Variants in VMA12 observed in about 807,000 individuals in gnomAD.
VMA12 encodes the protein vacuolar ATPase assembly protein VMA12.
At chr17:28,359,308 G>C in the VMA12 span, 5 of 1,613,818 alleles carry the variant, frequency 3.1e-6, no homozygotes, top group Non-Finnish European at 4.2e-6. Flanking sequence ...TGATTTTTCT[G>C]CTTCAGAACC....
At chr17:28,357,961 C>A in the VMA12 span, 1 of 1,470,452 alleles carries the variant, frequency 6.8e-7, no homozygotes, top group Non-Finnish European at 9.4e-7. Context: ...CATCATTCCC[C>A]TTCTTCTACG....
the VMA12 span, chr17:28,359,168 A>G: frequency 9.8e-7 from 1 of 1,021,466 alleles, no homozygotes; most frequent in Middle Eastern, 2.8e-4. Context: ...CAAAAAAAAA[A>G]AAAACAGTTT....
the VMA12 span, chr17:28,357,767 G>C: frequency 1.2e-6 from 2 of 1,613,612 alleles, no homozygotes; most frequent in East Asian, 2.2e-5. Flanking sequence ...GCTGCGGGCC[G>C]AGCTTGAGGC....
At chr17:28,357,825 A>G in the VMA12 span, 1 of 1,614,074 alleles carries the variant, frequency 6.2e-7, no homozygotes, top group Non-Finnish European at 8.5e-7. Context: ...AGTGGCCCCC[A>G]ACGCTTGGTT....
the VMA12 span, chr17:28,359,655 A>G: frequency 3.5e-6 from 1 of 286,180 alleles, no homozygotes; most frequent in Non-Finnish European, 6.7e-6. Flanking sequence ...CTGTAATCCT[A>G]GCACTTTGGG....
chr17:28,357,817 T>C, the VMA12 span: 16 of 1,614,070 alleles, frequency 9.9e-6, no homozygotes, highest in African/African-American at 1.9e-4. Context: ...ATAGCTCCAG[T>C]GGCCCCCAAC....
the VMA12 span, chr17:28,358,976 T>G: frequency 1.9e-6 from 3 of 1,613,062 alleles, no homozygotes; most frequent in Non-Finnish European, 2.5e-6. Flanking sequence ...CCAGAGGTTG[T>G]GAAGCCTCCA....
chr17:28,360,878 C>T, the VMA12 span: 3 of 1,586,718 alleles, frequency 1.9e-6, no homozygotes, highest in African/African-American at 1.3e-5. Flanking sequence ...GCAGGGTGCC[C>T]CTGGTGGGGG....
At chr17:28,358,941 C>T in the VMA12 span, 2 of 1,612,434 alleles carry the variant, frequency 1.2e-6, no homozygotes, top group South Asian at 1.1e-5. Flanking sequence ...TCCATGAGCT[C>T]CTAGAAGGCA....
the VMA12 span, chr17:28,359,231 G>T: frequency 2.1e-6 from 3 of 1,434,700 alleles, no homozygotes; most frequent in Non-Finnish European, 2.9e-6. Context: ...CTTTAGCAGT[G>T]CTTTACCCCT....
At chr17:28,358,007 A>G in the VMA12 span, 2 of 1,003,020 alleles carry the variant, frequency 2.0e-6, no homozygotes, top group East Asian at 2.6e-5. Flanking sequence ...GTCACTCCAT[A>G]AATCCCAGGG....
chr17:28,360,304 G>C, the VMA12 span: 5 of 492,170 alleles, frequency 1.0e-5, no homozygotes, highest in Non-Finnish European at 1.9e-5. Flanking sequence ...TCTATGGCAT[G>C]CTCCTACCCT....
the VMA12 span, chr17:28,361,141 T>G: frequency 6.2e-7 from 1 of 1,613,534 alleles, no homozygotes; most frequent in Admixed American, 1.7e-5. Context: ...TTAAGCCTGG[T>G]TCTCCCCATC....
the VMA12 span, chr17:28,361,249 G>A: frequency 1.2e-6 from 2 of 1,614,108 alleles, no homozygotes; most frequent in East Asian, 2.2e-5. Context: ...TGGGAGAACT[G>A]TAACTGGTGC....
the VMA12 span, chr17:28,358,522 C>T: frequency 1.2e-3 from 570 of 475,274 alleles, 2 homozygotes; most frequent in African/African-American, 0.011. Context: ...GTAGACTGCT[C>T]AATTATTAGA....
the VMA12 span, chr17:28,359,021 A>G: frequency 1.3e-6 from 2 of 1,564,022 alleles, no homozygotes; most frequent in East Asian, 4.5e-5. Flanking sequence ...GAGAGTGGTT[A>G]TTGACTGAGT....
At chr17:28,360,261 TC>T in the VMA12 span, 2 of 353,278 alleles carry the variant, frequency 5.7e-6, no homozygotes, top group African/African-American at 4.2e-5. Flanking sequence ...GCCCAGCCAT[TC>T]GAGCATTTCT....
At chr17:28,362,927 G>C in the VMA12 span, 1 of 152,224 alleles carries the variant, frequency 6.6e-6, no homozygotes, top group East Asian at 1.9e-4. Flanking sequence ...CATGCTTTCT[G>C]TAATGCACTC....
the VMA12 span, chr17:28,360,852 G>A: frequency 6.2e-7 from 1 of 1,612,590 alleles, no homozygotes; most frequent in Non-Finnish European, 8.5e-7. Context: ...GCCTCGGTGA[G>A]TAGGCACTGG....
Sources: gnomAD v4.1 joint callset for allele counts on GRCh38, gnomAD v4.1.1 for gene constraint, MANE v1.5 for transcripts, NCBI Gene and HGNC (gene_info 2026-07-23, HGNC 2026-07-21) for gene names.